Variants in PSG6 observed in about 807,000 individuals in gnomAD.
PSG6 encodes the protein pregnancy-specific beta-1-glycoprotein 6.
PSG6 carries 51 observed loss-of-function variants against 43.3 expected under a neutral mutation model. The observed-to-expected ratio is 1.18, with a 90% confidence interval of 0.94 to 1.49. PSG6 has a LOEUF of 1.49. PSG6 is among the 40% of genes most tolerant of loss of function. The pLI, the probability that PSG6 is intolerant of heterozygous loss-of-function variation, is 0.00. For synonymous variants in PSG6, 292 were observed against 197.6 expected, an observed-to-expected ratio of 1.48 and a Z score of -4.01; for missense variants, 770 against 522.2, an observed-to-expected ratio of 1.47 and a Z score of -4.62.
intron 2 of PSG6, among the ~76,000 whole-genome samples, chr19:42,913,924 A>T (rs552369882): frequency 1.3e-5 from 2 of 151,742 alleles, no homozygotes; most frequent in East Asian, 3.9e-4. Context: ...CTAACACCTG[A>T]TCCACTGGGG....
rs558343263 is a variant in PSG6 at position 42,916,835 on chromosome 19, G to A, written c.65-348C>T. Among the ~76,000 whole-genome samples, 23 of 151,512 alleles carry A rather than the reference G, an allele frequency of 1.5e-4. 2 individuals carry two copies. The East Asian group carries it at 2.9e-3, about 19-fold the overall frequency. On this transcript the variant is annotated intron_variant, in intron 1 of 5. Coordinates refer to ENST00000187910, the MANE Select transcript of PSG6 (RefSeq NM_001031850.4). Reference sequence around the variant, plus strand: ...GGCATCCTTAGACTTCTTTCCTGATGCCTGCTTCAGAGACCCTGGGTCTTC... The same window carrying A: ...GGCATCCTTAGACTTCTTTCCTGATACCTGCTTCAGAGACCCTGGGTCTTC...
intron 1 of PSG6, among the ~76,000 whole-genome samples, chr19:42,917,339 C>T (rs901146093): frequency 6.7e-6 from 1 of 148,354 alleles, no homozygotes; most frequent in Non-Finnish European, 1.5e-5. Context: ...CCTTCTTTCC[C>T]TTTTTTTCTT....
intron 2 of PSG6, among the ~76,000 whole-genome samples, chr19:42,911,593 T>C (rs1268839922): frequency 2.6e-5 from 4 of 151,654 alleles, no homozygotes; most frequent in African/African-American, 9.7e-5. Flanking sequence ...TCTGGGTCCA[T>C]GATGCTCCCT....
At chr19:42,905,712 C>G (rs1040519023) in intron 5 of PSG6, among the ~76,000 whole-genome samples, 1 of 151,594 alleles carries the variant, frequency 6.6e-6, no homozygotes, top group African/African-American at 2.4e-5. Flanking sequence ...TGAGATGTAT[C>G]TATACATTGA....
rs375789064 is a variant in PSG6 at position 42,917,794 on chromosome 19, G to C, written c.-2C>G. 1 of 1,608,956 alleles carries C rather than the reference G, an allele frequency of 6.2e-7. No individual in the cohort carries two copies. On this transcript the variant is annotated 5_prime_UTR_variant, in exon 1 of 6. Coordinates refer to ENST00000187910, the MANE Select transcript of PSG6 (RefSeq NM_001031850.4). ...GGGAGGGGCTGAGAGGGGTCCCATGGTCTCTGCTGTCTGTGTGTTCTCCCC... is the reference window on the plus strand; with the variant it reads ...GGGAGGGGCTGAGAGGGGTCCCATGCTCTCTGCTGTCTGTGTGTTCTCCCC...
At position 42,910,614 on chromosome 19, in the gene PSG6, G is replaced by A; in HGVS notation, c.672C>T (p.Ala224=). Residue 224 remains alanine, a synonymous_variant, in exon 3 of 6, where the codon GCC becomes GCT. Transcript: ENST00000187910. ...TCAGGGTGACTGGGTCACTGCGGCT[G>A]GCACTCACTGGGTTCCGTATTTCAC... ...YECEIRNPVS[A]SRSDPVTLNL... The A allele has an allele frequency of 6.2e-7, 1 of 1,612,438 alleles. No homozygotes were observed. Among genetic ancestry groups the A allele is most frequent in the South Asian group, 1.1e-5 (1 of 90,648 alleles).
At chr19:42,913,162 A>G (rs1322735078) in intron 2 of PSG6, among the ~76,000 whole-genome samples, 1 of 149,658 alleles carries the variant, frequency 6.7e-6, no homozygotes. Context: ...CTCTAACAGC[A>G]TTTTTTTTTC....
At chr19:42,914,473 G>C (rs1358221274) in intron 2 of PSG6, among the ~76,000 whole-genome samples, 1 of 144,418 alleles carries the variant, frequency 6.9e-6, no homozygotes. Flanking sequence ...AGTGAGCAGT[G>C]AGGGAGACAC....
chr19:42,907,277 C>T, intron 4 of PSG6, 101 bp from the exon 5 acceptor site: 5 of 1,518,366 alleles, frequency 3.3e-6, no homozygotes, highest in Admixed American at 4.2e-5. Flanking sequence ...CAAGACACAA[C>T]CTCAAGTGAC....
Position 42,904,704 on chromosome 19 carries a change from G to A in PSG6, c.1240+2218C>T, listed in dbSNP as rs907049290. ...TTGGAAGACTCAATATTGTTAGGAGGACAGTGCTGCCCAAAGTGAGCTGCA... is the reference window on the plus strand; with the variant it reads ...TTGGAAGACTCAATATTGTTAGGAGAACAGTGCTGCCCAAAGTGAGCTGCA... On this transcript the variant is annotated intron_variant, in intron 5 of 5. Coordinates refer to ENST00000187910, the MANE Select transcript of PSG6 (RefSeq NM_001031850.4). 1.3e-5 allele frequency among the ~76,000 whole-genome samples: 2 copies of A among 151,634 alleles called. 1 individual carries two copies. Among genetic ancestry groups the A allele is most frequent in the Non-Finnish European group, 2.9e-5 (2 of 67,918 alleles).
rs147725300 is a variant in PSG6, at chr19:42,910,681, T to A, written c.605A>T (p.Tyr202Phe). The change falls in exon 3 of 6, where the codon TAT (tyrosine) becomes TTT (phenylalanine). Residue 202 changes from tyrosine (Y) to phenylalanine (F), a missense_variant. Tyr to Phe is a conservative substitution (Grantham distance 22). Coordinates refer to ENST00000187910, the MANE Select transcript of PSG6 (RefSeq NM_001031850.4). Reference sequence around the variant, plus strand: ...AATATACTTTGTGACACCAAATAGATAGAGGGTCCTGTTGGTTTTGGACAG... The same window carrying A: ...AATATACTTTGTGACACCAAATAGAAAGAGGGTCCTGTTGGTTTTGGACAG... ...LQLSKTNRTLYLFGVTKYIAG... is the reference protein window; with the variant it reads ...LQLSKTNRTLFLFGVTKYIAG... 3.0e-4 allele frequency: 476 copies of A among 1,612,318 alleles called. 9 individuals are homozygous for A. The African/African-American group carries it at 4.7e-3, about 16-fold the overall frequency.
At chr19:42,912,573 A>G (rs1364491646) in intron 2 of PSG6, among the ~76,000 whole-genome samples, 1 of 151,786 alleles carries the variant, frequency 6.6e-6, no homozygotes, top group Non-Finnish European at 1.5e-5. Context: ...AAGGATGCCA[A>G]ATTAAAAGAA....
chr19:42,914,788 G>C (rs375789863), intron 2 of PSG6, among the ~76,000 whole-genome samples: 2 of 151,580 alleles, frequency 1.3e-5, no homozygotes, highest in Non-Finnish European at 2.9e-5. Context: ...TCTCTCACTG[G>C]GCCTGTGCTG....
chr19:42,911,833 C>G (rs1369184103), intron 2 of PSG6, among the ~76,000 whole-genome samples: 1 of 151,532 alleles, frequency 6.6e-6, no homozygotes, highest in African/African-American at 2.4e-5. Flanking sequence ...TTTGACTACT[C>G]TATGTACCTC....
intron 5 of PSG6, chr19:42,903,508 G>T: frequency 1.8e-6 from 2 of 1,130,958 alleles, no homozygotes. Flanking sequence ...ACCAAAAGTT[G>T]ATTCTTCAAA....
rs1600540074 is a variant in PSG6 at position 42,906,846 on chromosome 19, T to G, written c.1240+76A>C. 3.1e-6 allele frequency: 5 copies of G among 1,609,544 alleles called. No individual in the cohort carries two copies. In the East Asian group the frequency reaches 1.1e-4, roughly 36 times the overall value. Reference sequence around the variant, plus strand: ...GGGACACAGTCTGGGAATACAAATGTTTTCCTGACTCTTCTCTGAAAGCCA... The same window carrying G: ...GGGACACAGTCTGGGAATACAAATGGTTTCCTGACTCTTCTCTGAAAGCCA... On this transcript the variant is annotated intron_variant, in intron 5 of 5. Coordinates refer to ENST00000187910, the MANE Select transcript of PSG6 (RefSeq NM_001031850.4).
At chr19:42,902,982 C>G (rs1291119881) in intron 5 of PSG6, among the ~76,000 whole-genome samples, 2 of 151,574 alleles carry the variant, frequency 1.3e-5, no homozygotes, top group African/African-American at 4.9e-5. Context: ...AATACTTTAC[C>G]TGTATCTCAT....
chr19:42,908,004 G>A lies in PSG6; in HGVS notation c.707-150C>T. The A allele has an allele frequency of 1.7e-5, 22 of 1,265,100 alleles. 1 individual carries two copies. Among genetic ancestry groups the A allele is most frequent in the Non-Finnish European group, 2.4e-5 (22 of 913,174 alleles). 78.4% of individuals were successfully genotyped at this position (1,265,100 alleles called of 1,614,324 possible). On this transcript the variant is annotated intron_variant, in intron 3 of 5. Coordinates refer to ENST00000187910, the MANE Select transcript of PSG6 (RefSeq NM_001031850.4). ...ATGTGTCACAAGACAGATGTATGAT[G>A]ATCTAAGGGCTCAAAGACTGTGAGG...
Position 42,904,470 on chromosome 19 carries a change from A to G in PSG6, c.1241-2024T>C, listed in dbSNP as rs550051679. 9.2e-5 allele frequency among the ~76,000 whole-genome samples: 14 copies of G among 151,732 alleles called. 1 individual carries two copies. The highest frequency in any genetic ancestry group is 2.1e-4 in the Non-Finnish European group (14 of 67,920). ...CACAATACAAAATCAACATTCAAACATCAGTTGTATTTCAATACACTAACC... is the reference window on the plus strand; with the variant it reads ...CACAATACAAAATCAACATTCAAACGTCAGTTGTATTTCAATACACTAACC... On this transcript the variant is annotated intron_variant, in intron 5 of 5. Transcript: ENST00000187910.
Sources: gnomAD v4.1 joint callset for allele counts (sites outside exome capture counted in the v4.1 genomes callset) on GRCh38, gnomAD v4.1.1 for gene constraint, MANE v1.5 for transcripts, NCBI Gene and HGNC (gene_info 2026-07-23, HGNC 2026-07-21) for gene names.